The following GARNL3 variants were observed in gnomAD, a reference collection of about 807,000 sequenced individuals.
GARNL3 encodes GTPase activating Rap/RanGAP domain like 3.
A neutral mutation model predicts 125.0 loss-of-function variants in GARNL3; 63 were observed. The ratio of observed to expected loss-of-function variants is 0.50; its 90% CI spans 0.41 to 0.62. The LOEUF (loss-of-function observed/expected upper bound fraction) is 0.62. Among genes scored for constraint, GARNL3 ranks in the 20% least tolerant of loss-of-function variants. GARNL3 has a pLI of 0.00. For synonymous variants in GARNL3, 439 were observed against 457.5 expected, an observed-to-expected ratio of 0.96 and a Z score of 0.52; for missense variants, 994 against 1,244.0, an observed-to-expected ratio of 0.80 and a Z score of 3.02.
Position 127,266,585 on chromosome 9 carries a change from TG to T in GARNL3, c.144+1566del, listed in dbSNP as rs1477735783. Among the ~76,000 whole-genome samples, 1 of 152,230 alleles carries T rather than the reference TG, an allele frequency of 6.6e-6. No homozygotes were observed. Among genetic ancestry groups the T allele is most frequent in the Non-Finnish European group, 1.5e-5 (1 of 68,038 alleles). ...TCATCATTCACTAATTGTATGATCT[TG>T]GACTTCCTTTAGCATCAGTTTTCTC... On this transcript the variant is annotated intron_variant, in intron 1 of 27. Coordinates refer to ENST00000373387, the MANE Select transcript of GARNL3 (RefSeq NM_032293.5). The surrounding 1 kb of genome is among the most constrained non-coding windows in gnomAD (Gnocchi z 4.0).
At chr9:127,367,796 A>G (rs1831363978) in intron 22 of GARNL3, among the ~76,000 whole-genome samples, 1 of 152,188 alleles carries the variant, frequency 6.6e-6, no homozygotes, top group South Asian at 2.1e-4. Context: ...TGATGCGATC[A>G]TATTTAACCT....
chr9:127,228,743 T>C (rs1222709937), intron 1 of GARNL3, among the ~76,000 whole-genome samples: 2 of 152,246 alleles, frequency 1.3e-5, no homozygotes, highest in Non-Finnish European at 2.9e-5. Context: ...ATTTTCTTTA[T>C]GTTTCTGATA....
intron 1 of GARNL3, among the ~76,000 whole-genome samples, chr9:127,234,150 CA>C (rs1271660433): frequency 2.0e-5 from 3 of 152,112 alleles, no homozygotes; most frequent in Admixed American, 1.3e-4. Context: ...TTAGAGCCAG[CA>C]GAAGAAAATT....
chr9:127,265,659 T>G (rs2063688586), intron 1 of GARNL3, among the ~76,000 whole-genome samples: 1 of 152,222 alleles, frequency 6.6e-6, no homozygotes, highest in Non-Finnish European at 1.5e-5. Flanking sequence ...AAAGATAGAA[T>G]GTGATTTTTT....
At chr9:127,387,124 G>A (rs4837149) in intron 24 of GARNL3, 69 bp from the exon 25 acceptor site, 814,049 of 1,510,100 alleles carry the variant, frequency 0.54, 223,955 homozygotes, top group South Asian at 0.64. Context: ...TGCAGTGATG[G>A]CAGGAGGGCC....
At chr9:127,365,658 C>T (rs965663347) in intron 22 of GARNL3, among the ~76,000 whole-genome samples, 5 of 152,086 alleles carry the variant, frequency 3.3e-5, no homozygotes, top group African/African-American at 9.7e-5. Flanking sequence ...GTGCCGTGCT[C>T]GGTATGCTGT....
chr9:127,369,118 T>TAAAAAA, intron 22 of GARNL3: 1 of 126,780 alleles, frequency 7.9e-6, no homozygotes. Context: ...GGTGTTCAGT[T>TAAAAAA]AAAAAAAAAA....
chr9:127,247,418 T>A (rs2063322925), intron 2 of GARNL3, among the ~76,000 whole-genome samples: 1 of 152,218 alleles, frequency 6.6e-6, no homozygotes, highest in Non-Finnish European at 1.5e-5. Flanking sequence ...GCCTCAATGC[T>A]GTCAAGTCAG....
chr9:127,322,371 A>T (rs1017857509), intron 6 of GARNL3, among the ~76,000 whole-genome samples: 6 of 151,916 alleles, frequency 3.9e-5, no homozygotes, highest in African/African-American at 1.2e-4. Context: ...ACCTCTGCTC[A>T]GTCATCCCTG....
intron 2 of GARNL3, among the ~76,000 whole-genome samples, chr9:127,244,695 C>T (rs2063265196): frequency 6.6e-6 from 1 of 152,220 alleles, no homozygotes; most frequent in Non-Finnish European, 1.5e-5. Flanking sequence ...AAGCAATGGG[C>T]ACCATTGACA....
intron 1 of GARNL3, among the ~76,000 whole-genome samples, chr9:127,228,695 A>G (rs771465513): frequency 6.6e-6 from 1 of 152,234 alleles, no homozygotes; most frequent in African/African-American, 2.4e-5. Context: ...GGTCAAATAT[A>G]TAGCAAATAC....
At chr9:127,370,819 T>C (rs939683799) in intron 22 of GARNL3, among the ~76,000 whole-genome samples, 19 of 152,220 alleles carry the variant, frequency 1.2e-4, no homozygotes, top group African/African-American at 4.6e-4. Flanking sequence ...CCTTTCCATC[T>C]GGCGTGCTCA....
chr9:127,330,578 A>G (rs1196021402), intron 7 of GARNL3, among the ~76,000 whole-genome samples: 2 of 152,246 alleles, frequency 1.3e-5, no homozygotes, highest in East Asian at 3.8e-4. Context: ...CACAGGACTC[A>G]GGTTCTAGTG....
intron 1 of GARNL3, among the ~76,000 whole-genome samples, chr9:127,268,497 C>G (rs2131280358): frequency 6.6e-6 from 1 of 152,294 alleles, no homozygotes; most frequent in Non-Finnish European, 1.5e-5. Context: ...TTGCCTCTCT[C>G]CAGCTCATTT....
chr9:127,392,971 G>C lies in GARNL3; in HGVS notation c.2871-112G>C, dbSNP rs1442548341. ...CCCACCTCTACCACATAACAGTGAG[G>C]GTTTGGTGAGCCAAACTCATGAGCT... is the stretch of plus-strand genomic sequence containing the variant. On this transcript the variant is annotated intron_variant, in intron 27 of 27. Transcript: ENST00000373387. The surrounding 1 kb of genome is among the most constrained non-coding windows in gnomAD (Gnocchi z 5.2). 2 of 834,814 alleles carry C rather than the reference G, an allele frequency of 2.4e-6. No individual in the cohort carries two copies. The highest frequency in any genetic ancestry group is 2.3e-5 in the Admixed American group (1 of 43,638). The allele number at this position is 834,814 out of a possible 1,614,324, so 51.7% of individuals were successfully genotyped here.
chr9:127,297,419 G>T (rs2064636112), intron 2 of GARNL3, among the ~76,000 whole-genome samples: 2 of 152,184 alleles, frequency 1.3e-5, no homozygotes. Flanking sequence ...GATTTCAGCT[G>T]TGAGCCACTG....
intron 2 of GARNL3, among the ~76,000 whole-genome samples, chr9:127,253,582 AAGG>A (rs2063443431): frequency 6.6e-6 from 1 of 152,106 alleles, no homozygotes. Flanking sequence ...AGTCAGGAAG[AAGG>A]AGGAGTTTGG....
intron 11 of GARNL3, 148 bp from the exon 12 acceptor site, chr9:127,337,968 G>A (rs1474786314): frequency 1.5e-6 from 1 of 656,766 alleles, no homozygotes; most frequent in Non-Finnish European, 2.7e-6. Flanking sequence ...TTGGAAAGAA[G>A]TATGGGTTCT....
At chr9:127,327,362 T>C (rs536866257) in intron 7 of GARNL3, among the ~76,000 whole-genome samples, 1 of 151,544 alleles carries the variant, frequency 6.6e-6, no homozygotes, top group Admixed American at 6.6e-5. Flanking sequence ...AGAGGTGGGG[T>C]GTGTGGTGAG....
Sources: allele counts gnomAD v4.1 joint callset (sites outside exome capture counted in the v4.1 genomes callset), GRCh38; gene constraint gnomAD v4.1.1; non-coding constraint Gnocchi (gnomAD v3.1); transcripts MANE v1.5; gene names NCBI Gene and HGNC (gene_info 2026-07-23, HGNC 2026-07-21).